The following LCP1 variants were observed in gnomAD, a reference collection of about 807,000 sequenced individuals.
The protein encoded by LCP1 is lymphocyte cytosolic protein 1.
In LCP1, 23 loss-of-function variants were observed where a neutral mutation model predicts 72.0. That is an observed-to-expected ratio of 0.32 (90% CI 0.23 to 0.45). The LOEUF (loss-of-function observed/expected upper bound fraction) is 0.45, where lower values mean the gene tolerates loss of function less well. Among genes scored for constraint, LCP1 ranks in the 20% least tolerant of loss-of-function variants. The pLI, the probability that LCP1 is intolerant of heterozygous loss-of-function variation, is 1.00. For synonymous variants in LCP1, 245 were observed against 275.4 expected (o/e 0.89, Z 1.09); for missense variants, 571 against 748.3 (o/e 0.76, Z 2.76).
At chr13:46,150,758 T>C (rs1362238989) in intron 8 of LCP1, among the ~76,000 whole-genome samples, 178 bp downstream of exon 8, 1 of 152,174 alleles carries the variant, frequency 6.6e-6, no homozygotes, top group Non-Finnish European at 1.5e-5. Flanking sequence ...GGTCTGTGTA[T>C]GGCCCAGGAC....
intron 1 of LCP1, among the ~76,000 whole-genome samples, chr13:46,175,886 T>C (rs2045926949): frequency 6.6e-6 from 1 of 152,188 alleles, no homozygotes; most frequent in South Asian, 2.1e-4. Flanking sequence ...TCTTTTTTCC[T>C]TACTCCCACT....
intron 7 of LCP1, 51 bp downstream of exon 7, chr13:46,152,729 G>A (rs373069515): frequency 6.1e-5 from 97 of 1,578,172 alleles, no homozygotes; most frequent in East Asian, 4.0e-4. Flanking sequence ...TCCCCAACGC[G>A]TAAGTTATTA....
intron 11 of LCP1, 76 bp downstream of exon 11, chr13:46,144,366 C>G: frequency 1.8e-6 from 2 of 1,122,340 alleles, no homozygotes; most frequent in South Asian, 2.6e-5. Context: ...GAATGCACAT[C>G]ATAGTGGTAT....
intron 13 of LCP1, among the ~76,000 whole-genome samples, chr13:46,138,060 T>A (rs1197620758): frequency 6.6e-6 from 1 of 152,260 alleles, no homozygotes; most frequent in Non-Finnish European, 1.5e-5. Flanking sequence ...GTTCATTTGC[T>A]TCAGAGCCAT....
chr13:46,162,375 G>A (rs1004252672), intron 1 of LCP1, among the ~76,000 whole-genome samples: 5 of 151,082 alleles, frequency 3.3e-5, no homozygotes, highest in African/African-American at 4.9e-5. Context: ...TACTGCTGCC[G>A]TATGGGCTCA....
chr13:46,128,144 C>T (rs577900759), intron 15 of LCP1, among the ~76,000 whole-genome samples: 1 of 152,050 alleles, frequency 6.6e-6, no homozygotes, highest in East Asian at 1.9e-4. Context: ...GCACGTGCTG[C>T]CACTTTTGAT....
chr13:46,153,349 A>G (rs2045780729), intron 6 of LCP1: 1 of 154,116 alleles, frequency 6.5e-6, no homozygotes, highest in South Asian at 2.0e-4. Context: ...TTGTTGATGT[A>G]AATCAAGATC....
intron 1 of LCP1, 90 bp from the exon 2 acceptor site, chr13:46,159,776 AGAAATAT>A (rs1321295069): frequency 1.3e-5 from 10 of 749,880 alleles, no homozygotes; most frequent in Non-Finnish European, 2.1e-5. Flanking sequence ...TATTACATGA[AGAAATAT>A]TCTTCTGCAT....
chr13:46,176,009 G>T lies in LCP1; in HGVS notation c.-25+6102C>A, dbSNP rs190622412. 2.0e-3 allele frequency among the ~76,000 whole-genome samples: 302 copies of T among 152,254 alleles called. 1 individual carries two copies. The highest frequency in any genetic ancestry group is 6.9e-3 in the African/African-American group (288 of 41,554). ...GCAGATGATGTCAAGGAGGTACAAA[G>T]GATCTACTTTTTAAATGTTACACCT... On this transcript the variant is annotated intron_variant, in intron 1 of 15. Coordinates refer to ENST00000323076, the MANE Select transcript of LCP1 (RefSeq NM_002298.5).
chr13:46,137,527 C>G (rs1421465723), intron 13 of LCP1, among the ~76,000 whole-genome samples: 1 of 151,952 alleles, frequency 6.6e-6, no homozygotes, highest in Non-Finnish European at 1.5e-5. Context: ...GCAACAAGAG[C>G]AAAACTCTGT....
intron 1 of LCP1, among the ~76,000 whole-genome samples, chr13:46,173,954 T>C (rs17067800): frequency 0.016 from 2,457 of 152,346 alleles, 66 homozygotes; most frequent in African/African-American, 0.056. Flanking sequence ...GCATCTGTGA[T>C]GAGGACCACT....
intron 1 of LCP1, among the ~76,000 whole-genome samples, chr13:46,175,910 C>T (rs866934241): frequency 7.2e-5 from 11 of 152,254 alleles, no homozygotes; most frequent in South Asian, 2.1e-4. Context: ...CACCTATTAC[C>T]TAGCTTTCTC....
intron 13 of LCP1, among the ~76,000 whole-genome samples, chr13:46,141,709 C>A (rs1256202149): frequency 6.6e-6 from 1 of 152,078 alleles, no homozygotes; most frequent in Non-Finnish European, 1.5e-5. Flanking sequence ...CACCAGCAAA[C>A]TTGTGCTATT....
chr13:46,163,633 TA>T (rs575609187), intron 1 of LCP1, among the ~76,000 whole-genome samples: 2,351 of 109,206 alleles, frequency 0.022, 34 homozygotes, highest in African/African-American at 0.052. Flanking sequence ...AATGATCAAT[TA>T]AAAAAAAAAA....
chr13:46,155,179 G>A (rs2045792997), intron 5 of LCP1, among the ~76,000 whole-genome samples: 1 of 151,984 alleles, frequency 6.6e-6, no homozygotes, highest in African/African-American at 2.4e-5. Context: ...GGAAATTCTG[G>A]GTGGATAACC....
chr13:46,165,080 G>C (rs2078862616), intron 1 of LCP1, among the ~76,000 whole-genome samples: 1 of 152,158 alleles, frequency 6.6e-6, no homozygotes, highest in Admixed American at 6.5e-5. Flanking sequence ...TCATTTTTAA[G>C]AAAGACATTG....
intron 1 of LCP1, among the ~76,000 whole-genome samples, chr13:46,163,352 T>C (rs2045856777): frequency 6.6e-6 from 1 of 152,194 alleles, no homozygotes; most frequent in Admixed American, 6.5e-5. Context: ...CCCCGTGCTC[T>C]CTGAAACATG....
intron 1 of LCP1, among the ~76,000 whole-genome samples, chr13:46,161,794 TGCTACAAGTAG>T (rs1389112467): frequency 1.3e-5 from 2 of 152,230 alleles, no homozygotes; most frequent in Non-Finnish European, 2.9e-5. Flanking sequence ...CCGCATGTTT[TGCTACAAGTAG>T]GCTGAAAATC....
chr13:46,127,570 C>G lies in LCP1; in HGVS notation c.*21G>C. On this transcript the variant is annotated 3_prime_UTR_variant, in exon 16 of 16. Transcript: ENST00000323076. ...GCAGTCAGGAGTGAGTGCACCGCCT[C>G]CCACCCAGCCCCATTGGGCCTCACA... 1 of 1,613,826 alleles carries G rather than the reference C, an allele frequency of 6.2e-7. No homozygotes were observed. Among genetic ancestry groups the G allele is most frequent in the East Asian group, 2.2e-5 (1 of 44,874 alleles).
Sources: allele counts gnomAD v4.1 joint callset (sites outside exome capture counted in the v4.1 genomes callset), GRCh38; gene constraint gnomAD v4.1.1; transcripts MANE v1.5; gene names NCBI Gene and HGNC (gene_info 2026-07-23, HGNC 2026-07-21).